The following LMX1A variants were observed in gnomAD, a reference collection of about 807,000 sequenced individuals.
LMX1A encodes the protein LIM homeobox transcription factor 1 alpha, also known as LIM homeobox transcription factor 1-alpha.
A neutral mutation model predicts 49.1 loss-of-function variants in LMX1A; 15 were observed. The ratio of observed to expected loss-of-function variants is 0.31; its 90% CI spans 0.20 to 0.47. The LOEUF (loss-of-function observed/expected upper bound fraction) is 0.47. LMX1A is among the 20% of genes least tolerant of loss of function. The pLI, the probability that LMX1A is intolerant of heterozygous loss-of-function variation, is 1.00. For missense variants in LMX1A, 372 were observed against 475.8 expected (o/e 0.78, Z 2.03); for synonymous variants, 167 against 185.7 (o/e 0.90, Z 0.82).
chr1:165,236,523 T>C (rs1652451297), intron 4 of LMX1A, among the ~76,000 whole-genome samples: 2 of 152,104 alleles, frequency 1.3e-5, no homozygotes, highest in Admixed American at 6.5e-5. Context: ...GACACACTTA[T>C]ACAAAAATAT....
chr1:165,285,343 T>C lies in LMX1A; in HGVS notation c.264-35703A>G, dbSNP rs1485859541. On this transcript the variant is annotated intron_variant, in intron 3 of 8. Coordinates refer to ENST00000342310, the MANE Select transcript of LMX1A (RefSeq NM_177398.4). ...GCTATAAAATGAGACCCATTCAGAC[T>C]GTGTTTGAAAATCCTTCCAGTTCTA... Among the ~76,000 whole-genome samples the C allele has an allele frequency of 9.2e-5, 14 of 152,238 alleles. No individual in the cohort carries two copies. The East Asian group carries it at 2.5e-3, about 27-fold the overall frequency.
intron 3 of LMX1A, among the ~76,000 whole-genome samples, chr1:165,277,387 T>TC (rs1252637752): frequency 2.0e-5 from 3 of 151,708 alleles, no homozygotes; most frequent in South Asian, 2.1e-4. Context: ...CTCTGCCAAA[T>TC]CCCCCCCTTG....
chr1:165,258,450 A>G (rs984715775), intron 3 of LMX1A, among the ~76,000 whole-genome samples: 1 of 152,174 alleles, frequency 6.6e-6, no homozygotes, highest in Non-Finnish European at 1.5e-5. Context: ...CTGCATGGAC[A>G]ATAGAGTGGC....
intron 4 of LMX1A, among the ~76,000 whole-genome samples, chr1:165,246,057 A>G (rs929841668): frequency 2.6e-5 from 4 of 152,124 alleles, no homozygotes; most frequent in African/African-American, 9.7e-5. Context: ...CAGAAACCAG[A>G]GGATAAACTG....
intron 4 of LMX1A, among the ~76,000 whole-genome samples, chr1:165,231,706 T>C (rs915028344): frequency 6.6e-6 from 1 of 152,226 alleles, no homozygotes; most frequent in Admixed American, 6.5e-5. Flanking sequence ...TGCAAAATTA[T>C]AGTTGTTGTT....
In LMX1A at chr1:165,213,099, AT is replaced by A. The variant is rs374424839; in HGVS notation, c.669+541del. ...AACTCCTGTCTCATTAAACCACTGT[AT>A]TTTTTTTTACATGAATGTCCATAGC... On this transcript the variant is annotated intron_variant, in intron 5 of 8. Transcript: ENST00000342310. The A allele has an allele frequency of 9.1e-3, 1,377 of 151,622 alleles. 13 individuals are homozygous for A. Among genetic ancestry groups the A allele is most frequent in the African/African-American group, 0.025 (1,044 of 41,328 alleles). 9.4% of individuals were successfully genotyped at this position (151,622 alleles called of 1,614,324 possible). A position where few individuals can be genotyped will look rare whatever the true frequency, so the allele number is the denominator to read the frequency against.
chr1:165,241,538 G>A (rs1459099545), intron 4 of LMX1A, among the ~76,000 whole-genome samples: 1 of 152,174 alleles, frequency 6.6e-6, no homozygotes, highest in Admixed American at 6.5e-5. Context: ...AAGTCACACT[G>A]CTTGTGAGTG....
chr1:165,205,896 G>A lies in LMX1A; in HGVS notation c.956C>T (p.Pro319Leu), dbSNP rs551667348. 4 of 1,614,084 alleles carry A rather than the reference G, an allele frequency of 2.5e-6. No individual in the cohort carries two copies. In the South Asian group the frequency reaches 4.4e-5, roughly 18 times the overall value. ...GTGCATGTGGTCTCCAGGCATCTGG[G>A]GTGGGGTGAGACCCTGTCGGAAGGG... ...SDPFRQGLTPPQMPGDHMHPY... is the reference protein window; with the variant it reads ...SDPFRQGLTPLQMPGDHMHPY... The change falls in exon 8 of 9, where the codon CCC (proline) becomes CTC (leucine). Residue 319 changes from proline to leucine, a missense_variant. Physicochemically the swap from Pro to Leu is moderately conservative, Grantham distance 98. Around this residue, in one of 3 missense-constraint regions of LMX1A, gnomAD observed 127 missense variants for 138.0 expected, o/e 0.92. Coordinates refer to ENST00000342310, the MANE Select transcript of LMX1A (RefSeq NM_177398.4).
intron 3 of LMX1A, among the ~76,000 whole-genome samples, chr1:165,253,436 A>G (rs983571610): frequency 1.3e-5 from 2 of 152,178 alleles, no homozygotes; most frequent in African/African-American, 4.8e-5. Flanking sequence ...TGAGGGTGGA[A>G]TGAAGGGGAA....
intron 3 of LMX1A, among the ~76,000 whole-genome samples, chr1:165,307,748 G>A (rs112425514): frequency 6.6e-6 from 1 of 152,268 alleles, no homozygotes; most frequent in African/African-American, 2.4e-5. Flanking sequence ...TCATCCATAG[G>A]AGCCTGGACC....
chr1:165,239,316 TCTAA>T (rs1386583220), intron 4 of LMX1A, among the ~76,000 whole-genome samples: 1 of 152,210 alleles, frequency 6.6e-6, no homozygotes, highest in East Asian at 1.9e-4. Context: ...GTATATTGCC[TCTAA>T]CTTTTTAAGC....
At chr1:165,273,923 A>T (rs1653883214) in intron 3 of LMX1A, among the ~76,000 whole-genome samples, 1 of 152,200 alleles carries the variant, frequency 6.6e-6, no homozygotes, top group Admixed American at 6.5e-5. Flanking sequence ...GAGACAAGAG[A>T]TGTGGCCATC....
At chr1:165,242,400 C>G (rs1316344084) in intron 4 of LMX1A, among the ~76,000 whole-genome samples, 2 of 151,212 alleles carry the variant, frequency 1.3e-5, no homozygotes, top group African/African-American at 2.4e-5. Context: ...AGGAATAAAT[C>G]CTAGGCATAA....
intron 3 of LMX1A, among the ~76,000 whole-genome samples, chr1:165,346,657 C>T (rs1045483253): frequency 2.6e-5 from 4 of 152,214 alleles, no homozygotes; most frequent in Non-Finnish European, 5.9e-5. Context: ...CAGTTTTCTT[C>T]CTTACACCAT....
At chr1:165,268,598 G>A (rs1183481217) in intron 3 of LMX1A, among the ~76,000 whole-genome samples, 1 of 152,148 alleles carries the variant, frequency 6.6e-6, no homozygotes, top group East Asian at 1.9e-4. Context: ...AGTATTTAAG[G>A]GCAGCTATGA....
intron 4 of LMX1A, among the ~76,000 whole-genome samples, chr1:165,217,362 T>A (rs1651679901): frequency 6.6e-6 from 1 of 152,160 alleles, no homozygotes; most frequent in African/African-American, 2.4e-5. Flanking sequence ...CCCAAAGAAC[T>A]GCTGTGCCAT....
chr1:165,297,024 T>C (rs1041862477), intron 3 of LMX1A, among the ~76,000 whole-genome samples: 1 of 152,222 alleles, frequency 6.6e-6, no homozygotes, highest in Non-Finnish European at 1.5e-5. Context: ...TCACAGTTCA[T>C]TTTCTGTGTG....
chr1:165,234,502 A>G (rs1334421448), intron 4 of LMX1A, among the ~76,000 whole-genome samples: 1 of 152,186 alleles, frequency 6.6e-6, no homozygotes, highest in East Asian at 1.9e-4. Flanking sequence ...CCCCTGAGGA[A>G]CCTGGGGGTC....
intron 4 of LMX1A, among the ~76,000 whole-genome samples, chr1:165,246,158 G>A (rs964625356): frequency 2.0e-4 from 31 of 152,218 alleles, no homozygotes; most frequent in African/African-American, 7.0e-4. Flanking sequence ...AATTCATTAG[G>A]TACTTATTGA....
Sources: gnomAD v4.1 joint callset for allele counts (sites outside exome capture counted in the v4.1 genomes callset) on GRCh38, gnomAD v4.1.1 for gene constraint, gnomAD v4.1.1 regional missense constraint, MANE v1.5 for transcripts, NCBI Gene and HGNC (gene_info 2026-07-23, HGNC 2026-07-21) for gene names.